WASF3: variants seen among roughly 807,000 people sequenced by gnomAD.
WASF3 encodes the protein actin-binding protein WASF3.
In WASF3, 11 loss-of-function variants were observed where a neutral mutation model predicts 46.6. The ratio of observed to expected loss-of-function variants is 0.24; its 90% CI spans 0.15 to 0.39. WASF3 has a LOEUF of 0.39. WASF3 is among the 10% of genes least tolerant of loss of function. The pLI is 1.00. For synonymous variants in WASF3, 242 were observed against 259.7 expected, an observed-to-expected ratio of 0.93 and a Z score of 0.65; for missense variants, 576 against 669.8, an observed-to-expected ratio of 0.86 and a Z score of 1.55.
intron 6 of WASF3, 29 bp downstream of exon 6, chr13:26,672,018 A>G (rs1170426174): frequency 4.2e-6 from 6 of 1,443,774 alleles, no homozygotes; most frequent in South Asian, 1.2e-5. Context: ...GGAAATGTGC[A>G]TATCAGTGTT....
At chr13:26,610,445 C>T (rs1414934706) in intron 1 of WASF3, among the ~76,000 whole-genome samples, 1 of 152,122 alleles carries the variant, frequency 6.6e-6, no homozygotes. Context: ...CAGGGTTGGG[C>T]TTTGGTTTTA....
chr13:26,634,954 A>G (rs1473470773), intron 2 of WASF3, among the ~76,000 whole-genome samples: 1 of 152,050 alleles, frequency 6.6e-6, no homozygotes, highest in Non-Finnish European at 1.5e-5. Context: ...TGAATCTGAC[A>G]ATTATGTGTC....
At chr13:26,675,650 C>CTGTGTGTGTGTGTG (rs35156420) in intron 6 of WASF3, among the ~76,000 whole-genome samples, 3,858 of 147,004 alleles carry the variant, frequency 0.026, 173 homozygotes, top group African/African-American at 0.084. Flanking sequence ...GATGCCATGT[C>CTGTGTGTGTGTGTG]TGTGTGTGTG....
At chr13:26,644,777 C>T (rs548424469) in intron 3 of WASF3, among the ~76,000 whole-genome samples, 18 of 152,168 alleles carry the variant, frequency 1.2e-4, no homozygotes, top group Non-Finnish European at 5.9e-5. Flanking sequence ...GGGCTGAACC[C>T]GGGAGGAAGC....
At chr13:26,642,539 T>C in intron 3 of WASF3, 136 bp downstream of exon 3, 6 of 1,124,666 alleles carry the variant, frequency 5.3e-6, no homozygotes, top group African/African-American at 1.6e-5. Flanking sequence ...TTTCCCAGTA[T>C]GAAATTGACC....
intron 3 of WASF3, among the ~76,000 whole-genome samples, chr13:26,654,200 C>G (rs1450039636): frequency 6.6e-6 from 1 of 152,180 alleles, no homozygotes; most frequent in Non-Finnish European, 1.5e-5. Flanking sequence ...TTCTTCTACC[C>G]TTTTCCCCAT....
intron 2 of WASF3, among the ~76,000 whole-genome samples, chr13:26,632,772 G>A (rs1490901848): frequency 6.6e-6 from 1 of 152,154 alleles, no homozygotes; most frequent in African/African-American, 2.4e-5. Flanking sequence ...TGTACCTCTG[G>A]TAGAATTAGG....
intron 1 of WASF3, among the ~76,000 whole-genome samples, chr13:26,563,661 A>AAAC: frequency 6.6e-6 from 1 of 150,794 alleles, no homozygotes; most frequent in Non-Finnish European, 1.5e-5. Flanking sequence ...TCTCAAAAAA[A>AAAC]AAAAAAAAAA....
At chr13:26,562,931 C>A (rs976845740) in intron 1 of WASF3, among the ~76,000 whole-genome samples, 8 of 141,746 alleles carry the variant, frequency 5.6e-5, no homozygotes, top group Non-Finnish European at 1.1e-4. Context: ...TCTTTTCTTT[C>A]TAGCAGTGAC....
the WASF3 span, among the ~76,000 whole-genome samples, chr13:26,545,853 C>T: frequency 6.6e-6 from 1 of 152,384 alleles, no homozygotes; most frequent in Non-Finnish European, 1.5e-5. Flanking sequence ...ATCCTCCTGC[C>T]TTGGCCTCCC....
intron 2 of WASF3, among the ~76,000 whole-genome samples, chr13:26,616,056 A>C (rs1479170372): frequency 6.6e-6 from 1 of 152,230 alleles, no homozygotes; most frequent in Non-Finnish European, 1.5e-5. Flanking sequence ...TTTGGCTGTT[A>C]CAAATAAAGC....
intron 2 of WASF3, among the ~76,000 whole-genome samples, chr13:26,615,438 A>G (rs1366937433): frequency 6.6e-6 from 1 of 152,000 alleles, no homozygotes; most frequent in Non-Finnish European, 1.5e-5. Flanking sequence ...CCTCCCGAGT[A>G]GCTGGGGTTA....
intron 1 of WASF3, among the ~76,000 whole-genome samples, chr13:26,567,577 G>A (rs995770184): frequency 1.3e-5 from 2 of 152,124 alleles, no homozygotes; most frequent in African/African-American, 2.4e-5. Flanking sequence ...TACACAGTAC[G>A]ACATATTTGC....
At chr13:26,569,884 C>T (rs933107460) in intron 1 of WASF3, among the ~76,000 whole-genome samples, 5 of 152,212 alleles carry the variant, frequency 3.3e-5, no homozygotes. Flanking sequence ...AAATATCCTA[C>T]AGGCGGTAAA....
intron 9 of WASF3, among the ~76,000 whole-genome samples, chr13:26,683,950 G>A (rs577329861): frequency 6.6e-6 from 1 of 152,186 alleles, no homozygotes; most frequent in Admixed American, 6.5e-5. Flanking sequence ...AGAGCTTCTC[G>A]CCTGTGGGGA....
intron 6 of WASF3, among the ~76,000 whole-genome samples, chr13:26,672,451 T>C (rs375957744): frequency 6.6e-6 from 1 of 152,252 alleles, no homozygotes; most frequent in South Asian, 2.1e-4. Context: ...GGATAGGATT[T>C]ACTGAAAATG....
intron 5 of WASF3, among the ~76,000 whole-genome samples, chr13:26,669,511 A>C (rs979177622): frequency 2.2e-5 from 2 of 89,180 alleles, no homozygotes; most frequent in Admixed American, 1.2e-4. Flanking sequence ...GACTGAAAAA[A>C]AAATTTTTTT....
intron 4 of WASF3, among the ~76,000 whole-genome samples, chr13:26,665,850 G>C (rs7985387): frequency 0.045 from 6,775 of 152,048 alleles, 514 homozygotes; most frequent in African/African-American, 0.15. Context: ...TGCTTAAAAA[G>C]TACAAAATAT....
chr13:26,543,670 A>T, the WASF3 span, among the ~76,000 whole-genome samples: 1 of 152,148 alleles, frequency 6.6e-6, no homozygotes, highest in South Asian at 2.1e-4. Context: ...TAGAGAACAG[A>T]TCCATTCTCA....
Sources: allele counts gnomAD v4.1 joint callset (sites outside exome capture counted in the v4.1 genomes callset), GRCh38; gene constraint gnomAD v4.1.1; transcripts MANE v1.5; gene names NCBI Gene and HGNC (gene_info 2026-07-23, HGNC 2026-07-21).